The following COL26A1 variants were observed in gnomAD, a reference collection of about 807,000 sequenced individuals.
The protein encoded by COL26A1 is collagen type XXVI alpha 1 chain, also known as collagen alpha-1(XXVI) chain.
In COL26A1, 41 loss-of-function variants were observed where a neutral mutation model predicts 59.3. The observed-to-expected ratio is 0.69, with a 90% confidence interval of 0.54 to 0.90. The LOEUF is 0.90. Ranked by LOEUF, COL26A1 falls within the 40% of genes least tolerant of loss-of-function variation. The probability of loss-of-function intolerance (pLI) is 0.00; values close to 1 mark genes in which losing one functional copy is unlikely to be tolerated. For missense variants in COL26A1, 612 were observed against 602.3 expected, an observed-to-expected ratio of 1.02 and a Z score of -0.17; for synonymous variants, 266 against 256.0, an observed-to-expected ratio of 1.04 and a Z score of -0.37.
intron 3 of COL26A1, among the ~76,000 whole-genome samples, chr7:101,490,372 G>A (rs942113560): frequency 2.0e-5 from 3 of 151,278 alleles, no homozygotes; most frequent in Admixed American, 6.6e-5. Context: ...CATTGTGCCC[G>A]GCCAACAGTC....
chr7:101,511,702 A>G (rs1794929216), intron 3 of COL26A1, among the ~76,000 whole-genome samples: 1 of 152,216 alleles, frequency 6.6e-6, no homozygotes, highest in Non-Finnish European at 1.5e-5. Context: ...GTGTTTCCCC[A>G]CAGGCCAACA....
At chr7:101,463,043 GA>G (rs1793652383) in intron 3 of COL26A1, among the ~76,000 whole-genome samples, 2 of 152,202 alleles carry the variant, frequency 1.3e-5, no homozygotes, top group Non-Finnish European at 2.9e-5. Context: ...TGACAAGCCA[GA>G]AGTGGGCTCA....
At chr7:101,419,074 TCCTCCCCTCCCCTCCCCTCC>T (rs146603250) in intron 1 of COL26A1, among the ~76,000 whole-genome samples, 21 of 28,384 alleles carry the variant, frequency 7.4e-4, no homozygotes, top group African/African-American at 2.8e-3. Context: ...CTCTCATTCC[TCCTCCCCTCCCCTCCCCTCC>T]CCTCCCCTCC....
chr7:101,499,099 G>A (rs1198382715), intron 3 of COL26A1, among the ~76,000 whole-genome samples: 2 of 152,196 alleles, frequency 1.3e-5, no homozygotes, highest in Admixed American at 6.6e-5. Flanking sequence ...CGGGAAGGTC[G>A]GCTGGGGAGG....
chr7:101,423,394 G>T (rs1792570527), intron 2 of COL26A1, among the ~76,000 whole-genome samples: 1 of 152,114 alleles, frequency 6.6e-6, no homozygotes, highest in South Asian at 2.1e-4. Context: ...TTGCATAGTT[G>T]TTCTCTCCTT....
At chr7:101,500,525 C>G (rs1794679542) in intron 3 of COL26A1, among the ~76,000 whole-genome samples, 1 of 152,174 alleles carries the variant, frequency 6.6e-6, no homozygotes, top group Admixed American at 6.5e-5. Context: ...TGCATCTGAT[C>G]TAAAATACCG....
In COL26A1 at chr7:101,553,235, CT is replaced by C. The variant is rs1290139508; in HGVS notation, c.1030-90del. The C allele has an allele frequency of 1.3e-5, 16 of 1,211,138 alleles. 1 individual carries two copies. The highest frequency in any genetic ancestry group is 1.9e-5 in the Non-Finnish European group (16 of 829,444). 75.0% of individuals were successfully genotyped at this position (1,211,138 alleles called of 1,614,324 possible). ...CAGGCCCTGCCTGCCCAGCCTGCCCCTGACTCCCTGCAGGCCCCCAGGGAAC... is the reference window on the plus strand; with the variant it reads ...CAGGCCCTGCCTGCCCAGCCTGCCCCGACTCCCTGCAGGCCCCCAGGGAAC... On this transcript the variant is annotated intron_variant, in intron 10 of 12. Transcript: ENST00000313669.
chr7:101,507,211 G>A (rs889140605), intron 3 of COL26A1, among the ~76,000 whole-genome samples: 1 of 152,066 alleles, frequency 6.6e-6, no homozygotes, highest in Admixed American at 6.5e-5. Context: ...CACCGCGCCC[G>A]GCTTTGCCTA....
chr7:101,412,137 T>C (rs1222772271), intron 1 of COL26A1, among the ~76,000 whole-genome samples: 4 of 151,978 alleles, frequency 2.6e-5, no homozygotes. Flanking sequence ...GGGGCAGAGC[T>C]TGGACACCAG....
chr7:101,545,449 A>G lies in COL26A1; in HGVS notation c.815A>G (p.Gln272Arg). The G allele has an allele frequency of 1.2e-6, 2 of 1,608,674 alleles. No individual in the cohort carries two copies. The highest frequency in any genetic ancestry group is 2.2e-5 in the South Asian group (2 of 90,566). The stretch of plus-strand genomic sequence containing the variant: ...CCAGGCCCCTCACCAAACAGCCCCC[A>G]GGGCGCCCTCTACTCCCTGCAGCCG... Reference protein sequence around the residue: ...GNPGPSPNSPQGALYSLQPPT... With the variant: ...GNPGPSPNSPRGALYSLQPPT... The change falls in exon 7 of 13, where the codon CAG (glutamine) becomes CGG (arginine). Residue 272 changes from glutamine to arginine, a missense_variant. Physicochemically the swap from Gln to Arg is conservative, Grantham distance 43 (BLOSUM62 1). Coordinates refer to ENST00000313669, the MANE Select transcript of COL26A1 (RefSeq NM_001278563.3).
chr7:101,527,341 C>G (rs756789180), intron 3 of COL26A1, among the ~76,000 whole-genome samples: 1 of 151,402 alleles, frequency 6.6e-6, no homozygotes, highest in Non-Finnish European at 1.5e-5. Flanking sequence ...ATTTTTTTCT[C>G]TTTTTGAGAT....
At chr7:101,434,418 T>A (rs1354963118) in intron 2 of COL26A1, among the ~76,000 whole-genome samples, 1 of 151,862 alleles carries the variant, frequency 6.6e-6, no homozygotes, top group Non-Finnish European at 1.5e-5. Flanking sequence ...CACGCTTGGT[T>A]AATTTCTTTT....
intron 3 of COL26A1, among the ~76,000 whole-genome samples, chr7:101,505,905 C>G (rs1287334858): frequency 1.3e-5 from 2 of 152,170 alleles, no homozygotes; most frequent in African/African-American, 4.8e-5. Flanking sequence ...CCCAACAGCC[C>G]AGAGATGGAC....
chr7:101,411,919 C>A (rs756307052), intron 1 of COL26A1, among the ~76,000 whole-genome samples: 3 of 152,108 alleles, frequency 2.0e-5, no homozygotes, highest in Non-Finnish European at 4.4e-5. Flanking sequence ...ACCTGGACAA[C>A]AGAACAAGAC....
chr7:101,466,318 C>T lies in COL26A1; in HGVS notation c.385+18531C>T, dbSNP rs552756427. ...GAGGTGACAAGTACCTGATGTGGCA[C>T]AATTGGTGGTACAGAGTAGGCCTGA... is the stretch of plus-strand genomic sequence containing the variant. On this transcript the variant is annotated intron_variant, in intron 3 of 12. Transcript: ENST00000313669. 2.6e-5 allele frequency among the ~76,000 whole-genome samples: 4 copies of T among 152,168 alleles called. No individual in the cohort carries two copies. In the East Asian group the frequency reaches 7.7e-4, roughly 29 times the overall value.
chr7:101,482,300 C>T (rs1229597967), intron 3 of COL26A1, among the ~76,000 whole-genome samples: 2 of 152,114 alleles, frequency 1.3e-5, no homozygotes, highest in Admixed American at 6.6e-5. Flanking sequence ...TAGCCACCAC[C>T]GCGCCTGGCC....
At chr7:101,551,447 G>A (rs1465894487) in intron 10 of COL26A1, among the ~76,000 whole-genome samples, 2 of 152,176 alleles carry the variant, frequency 1.3e-5, no homozygotes, top group East Asian at 1.9e-4. Context: ...TTAACATGCC[G>A]TGTGACCTGG....
At chr7:101,399,038 C>G (rs913256350) in intron 1 of COL26A1, among the ~76,000 whole-genome samples, 9 of 152,054 alleles carry the variant, frequency 5.9e-5, no homozygotes, top group African/African-American at 1.9e-4. Context: ...GGCGTGGTGG[C>G]TCATACCTGT....
At chr7:101,450,688 A>T (rs1309213724) in intron 3 of COL26A1, among the ~76,000 whole-genome samples, 1 of 148,414 alleles carries the variant, frequency 6.7e-6, no homozygotes, top group Admixed American at 6.8e-5. Context: ...TGATATATTA[A>T]TAATATATAT....
Sources: allele counts gnomAD v4.1 joint callset (sites outside exome capture counted in the v4.1 genomes callset), GRCh38; gene constraint gnomAD v4.1.1; transcripts MANE v1.5; gene names NCBI Gene and HGNC (gene_info 2026-07-23, HGNC 2026-07-21).